CCDC150: variants seen among roughly 807,000 people sequenced by gnomAD.
CCDC150 encodes the protein coiled-coil domain containing 150.
Under a neutral mutation model 156.5 loss-of-function variants are expected in CCDC150, and 151 were observed. The ratio of observed to expected loss-of-function variants is 0.97; its 90% CI spans 0.85 to 1.10. The LOEUF is 1.10. Ranked by LOEUF, CCDC150 falls within the 50% of genes least tolerant of loss-of-function variation. The probability of loss-of-function intolerance (pLI) is 0.00; values close to 1 mark genes in which losing one functional copy is unlikely to be tolerated. For synonymous variants in CCDC150, 452 were observed against 429.4 expected, an observed-to-expected ratio of 1.05 and a Z score of -0.65; for missense variants, 1,312 against 1,268.1, an observed-to-expected ratio of 1.03 and a Z score of -0.53.
At chr2:196,675,274 A>G (rs1297295806) in intron 10 of CCDC150, among the ~76,000 whole-genome samples, 2 of 152,148 alleles carry the variant, frequency 1.3e-5, no homozygotes, top group African/African-American at 2.4e-5. Context: ...TGCAAGTATA[A>G]TGCTATATCT....
Position 196,665,645 on chromosome 2 carries a change from C to G in CCDC150, c.724C>G (p.Gln242Glu). The G allele has an allele frequency of 6.2e-7, 1 of 1,602,268 alleles. No homozygotes were observed. Among genetic ancestry groups the G allele is most frequent in the Non-Finnish European group, 8.5e-7 (1 of 1,174,456 alleles). ...KSASAMLLKI[Q>E]EMGSTVEVER... ...AGCATCAGCCATGCTCCTCAAAATACAAGAAATGGGATCAACAGTGGAGGT... is the reference window on the plus strand; with the variant it reads ...AGCATCAGCCATGCTCCTCAAAATAGAAGAAATGGGATCAACAGTGGAGGT... Residue 242 changes from glutamine to glutamate, a missense_variant, in exon 6 of 28, where the codon CAA becomes GAA. Coordinates refer to ENST00000389175, the MANE Select transcript of CCDC150 (RefSeq NM_001080539.2).
At chr2:196,657,184 C>G (rs1450741261) in intron 4 of CCDC150, 48 bp downstream of exon 4, 2 of 1,562,910 alleles carry the variant, frequency 1.3e-6, no homozygotes, top group Non-Finnish European at 1.8e-6. Context: ...TATGTGTTAG[C>G]TGGAGGAGGT....
chr2:196,712,798 TC>T, intron 17 of CCDC150, 59 bp downstream of exon 17: 1 of 1,244,162 alleles, frequency 8.0e-7, no homozygotes, highest in Non-Finnish European at 1.1e-6. Context: ...TAAAAACCTT[TC>T]ATAGTTCACA....
intron 7 of CCDC150, among the ~76,000 whole-genome samples, chr2:196,668,456 T>G (rs915593446): frequency 2.0e-5 from 3 of 152,202 alleles, no homozygotes; most frequent in African/African-American, 7.2e-5. Flanking sequence ...TAATGCTTTA[T>G]TTTTGAATTT....
intron 1 of CCDC150, among the ~76,000 whole-genome samples, chr2:196,645,563 C>T (rs1692488362): frequency 6.6e-6 from 1 of 152,222 alleles, no homozygotes; most frequent in Non-Finnish European, 1.5e-5. Context: ...TCACCAATTA[C>T]CTTGTCATTG....
At chr2:196,696,159 C>T (rs762493263) in intron 14 of CCDC150, among the ~76,000 whole-genome samples, 10 of 152,128 alleles carry the variant, frequency 6.6e-5, no homozygotes, top group African/African-American at 9.7e-5. Context: ...GTCTGAGCCT[C>T]AGTTTCTTAA....
chr2:196,688,719 C>G (rs1311507932), intron 13 of CCDC150, among the ~76,000 whole-genome samples: 1 of 151,978 alleles, frequency 6.6e-6, no homozygotes, highest in African/African-American at 2.4e-5. Context: ...ATGGTAGTTT[C>G]TTTTGATGTG....
intron 10 of CCDC150, 112 bp from the exon 11 acceptor site, chr2:196,676,031 A>G (rs1013961980): frequency 9.1e-6 from 9 of 985,896 alleles, no homozygotes; most frequent in Non-Finnish European, 1.2e-5. Flanking sequence ...ATTTATGTAA[A>G]TGAAACTTGT....
rs116556544 is a variant in CCDC150 at position 196,684,393 on chromosome 2, C to A, written c.1509+7032C>A. On this transcript the variant is annotated intron_variant, in intron 13 of 27. Coordinates refer to ENST00000389175, the MANE Select transcript of CCDC150 (RefSeq NM_001080539.2). ...TCTTTTATTGATTTCTAATTTTATT[C>A]CATTGTGGTTGGAGAACATACTTTG... 6.1e-3 allele frequency among the ~76,000 whole-genome samples: 922 copies of A among 152,104 alleles called. 5 individuals carry two copies. The highest frequency in any genetic ancestry group is 0.021 in the African/African-American group (870 of 41,542).
At position 196,729,950 on chromosome 2, in the gene CCDC150, C is replaced by T; in HGVS notation, c.2821-7C>T. The stretch of plus-strand genomic sequence containing the variant: ...CACCAAATGTCTCTGTCTTTGTATC[C>T]TTCCAGTCTTTGAGTATCCAGAGAT... On this transcript the variant is annotated splice_region_variant and splice_polypyrimidine_tract_variant and intron_variant, in intron 24 of 27. Transcript: ENST00000389175. 1.2e-6 allele frequency: 2 copies of T among 1,610,692 alleles called. No homozygotes were observed. Among genetic ancestry groups the T allele is most frequent in the Non-Finnish European group, 1.7e-6 (2 of 1,178,664 alleles).
At chr2:196,727,159 A>T (rs1698253255) in intron 22 of CCDC150, 1 of 152,214 alleles carries the variant, frequency 6.6e-6, no homozygotes, top group Non-Finnish European at 1.5e-5. Context: ...TAATCCCTGC[A>T]CTTTGGGAGG....
rs2125584046 is a variant in CCDC150 at position 196,656,715 on chromosome 2, G to T, written c.259G>T (p.Ala87Ser). The change falls in exon 3 of 28, where the codon GCA becomes TCA. Residue 87 changes from alanine to serine, a missense_variant. Coordinates refer to ENST00000389175, the MANE Select transcript of CCDC150 (RefSeq NM_001080539.2). Reference sequence around the variant, plus strand: ...TCCTATCCAAAATGAAGCAATTTGTGCAGGAAAAACAGATATTTTATGGAA... The same window carrying T: ...TCCTATCCAAAATGAAGCAATTTGTTCAGGAAAAACAGATATTTTATGGAA... The part of the protein sequence containing the change: ...ISPIQNEAIC[A>S]GKTDILWKNC... The T allele has an allele frequency of 6.2e-7, 1 of 1,613,750 alleles. No individual in the cohort carries two copies. Among genetic ancestry groups the T allele is most frequent in the East Asian group, 2.2e-5 (1 of 44,884 alleles).
intron 2 of CCDC150, among the ~76,000 whole-genome samples, chr2:196,656,237 G>C (rs1693179895): frequency 6.6e-6 from 1 of 152,108 alleles, no homozygotes; most frequent in Non-Finnish European, 1.5e-5. Flanking sequence ...GTAAATATGA[G>C]GTCCAAACCC....
intron 14 of CCDC150, among the ~76,000 whole-genome samples, chr2:196,699,091 A>G (rs1210307272): frequency 6.6e-6 from 1 of 152,232 alleles, no homozygotes; most frequent in Non-Finnish European, 1.5e-5. Flanking sequence ...AAATTAATCA[A>G]TGATGAACTA....
At chr2:196,660,259 G>A (rs1345768891) in intron 5 of CCDC150, among the ~76,000 whole-genome samples, 1 of 152,150 alleles carries the variant, frequency 6.6e-6, no homozygotes. Context: ...TATGAATAAA[G>A]CTGCTATAAA....
chr2:196,730,179 A>G lies in CCDC150; in HGVS notation c.2982+61A>G, dbSNP rs982646451. Reference sequence around the variant, plus strand: ...CAGCAAATGACATGTGCCAAAGCCCAGTAGTTTTGCACCTAGACTTTCTAG... The same window carrying G: ...CAGCAAATGACATGTGCCAAAGCCCGGTAGTTTTGCACCTAGACTTTCTAG... On this transcript the variant is annotated intron_variant, in intron 25 of 27. Transcript: ENST00000389175. The G allele has an allele frequency of 4.7e-5, 68 of 1,458,322 alleles. No individual in the cohort carries two copies. In the East Asian group the frequency reaches 1.5e-3, roughly 33 times the overall value. 90.3% of individuals were successfully genotyped at this position (1,458,322 alleles called of 1,614,324 possible). A position where few individuals can be genotyped will look rare whatever the true frequency, so the allele number is the denominator to read the frequency against.
At chr2:196,715,183 A>C (rs1365463319) in intron 17 of CCDC150, among the ~76,000 whole-genome samples, 1 of 152,138 alleles carries the variant, frequency 6.6e-6, no homozygotes, top group African/African-American at 2.4e-5. Context: ...GCTTGTACAC[A>C]TGACATGTAT....
intron 1 of CCDC150, among the ~76,000 whole-genome samples, chr2:196,642,120 A>G (rs1407930641): frequency 6.6e-6 from 1 of 152,234 alleles, no homozygotes; most frequent in Non-Finnish European, 1.5e-5. Context: ...ATAAAAGTTT[A>G]TATCTCAGTA....
At chr2:196,696,404 A>G (rs1011894829) in intron 14 of CCDC150, among the ~76,000 whole-genome samples, 2 of 152,210 alleles carry the variant, frequency 1.3e-5, no homozygotes, top group Non-Finnish European at 2.9e-5. Context: ...AGATTCAGCC[A>G]TGTCCTTTGC....
Sources: allele counts gnomAD v4.1 joint callset (sites outside exome capture counted in the v4.1 genomes callset), GRCh38; gene constraint gnomAD v4.1.1; transcripts MANE v1.5; gene names NCBI Gene and HGNC (gene_info 2026-07-23, HGNC 2026-07-21).